GATAD2A: variants seen among roughly 807,000 people sequenced by gnomAD.
GATAD2A encodes transcriptional repressor p66-alpha.
Under a neutral mutation model 68.5 loss-of-function variants are expected in GATAD2A, and 12 were observed. That is an observed-to-expected ratio of 0.18 (90% CI 0.11 to 0.28). GATAD2A has a LOEUF of 0.28. GATAD2A is among the 10% of genes least tolerant of loss of function. The pLI is 1.00. For synonymous variants in GATAD2A, 410 were observed against 375.3 expected (o/e 1.09, Z -1.07); for missense variants, 755 against 868.5 (o/e 0.87, Z 1.64).
intron 1 of GATAD2A, among the ~76,000 whole-genome samples, chr19:19,397,593 A>C (rs1325902740): frequency 6.6e-6 from 1 of 152,168 alleles, no homozygotes; most frequent in Non-Finnish European, 1.5e-5. Context: ...AGCCATCTAG[A>C]CTCTGTAATG....
At chr19:19,420,829 C>A (rs114459912) in intron 1 of GATAD2A, among the ~76,000 whole-genome samples, 1 of 152,110 alleles carries the variant, frequency 6.6e-6, no homozygotes, top group Non-Finnish European at 1.5e-5. Context: ...GACAGTACCT[C>A]GTTCTGTGGT....
intron 1 of GATAD2A, among the ~76,000 whole-genome samples, chr19:19,420,134 C>T (rs904740423): frequency 6.8e-6 from 1 of 147,524 alleles, no homozygotes; most frequent in Non-Finnish European, 1.5e-5. Context: ...TCTCAGCCCC[C>T]TGAGTAGCTG....
rs1398846377 is a variant in GATAD2A at position 19,436,080 on chromosome 19, CA to C, written c.-6-29259del. The C allele has an allele frequency of 3.0e-6, 3 of 1,000,782 alleles. No individual in the cohort carries two copies. The Admixed American group carries it at 6.0e-5, about 20-fold the overall frequency. 62.0% of individuals were successfully genotyped at this position (1,000,782 alleles called of 1,614,324 possible). The stretch of plus-strand genomic sequence containing the variant: ...ACATTTTAGAAATGCCAGTATGTTC[CA>C]GAAACCTTGCTTGGAAACACAGTGT... On this transcript the variant is annotated intron_variant, in intron 1 of 11. Transcript: ENST00000683918.
intron 1 of GATAD2A, among the ~76,000 whole-genome samples, chr19:19,413,141 G>C (rs1435680179): frequency 1.3e-5 from 2 of 152,182 alleles, no homozygotes; most frequent in African/African-American, 4.8e-5. Flanking sequence ...TGTTGCTGGG[G>C]TTTCAAGTTG....
chr19:19,471,742 A>C (rs995465220), intron 2 of GATAD2A, among the ~76,000 whole-genome samples: 1 of 152,258 alleles, frequency 6.6e-6, no homozygotes, highest in African/African-American at 2.4e-5. Flanking sequence ...TGTGGCATCC[A>C]TAAATGTGCA....
rs145907079 is a variant in GATAD2A, at chr19:19,439,666, G to A, written c.-6-25674G>A. On this transcript the variant is annotated intron_variant, in intron 1 of 11. Transcript: ENST00000683918. ...AGTTCGAGACCAGCATGGCCAACAT[G>A]GTGAAACCCCATCTTTACTAAAAGT... Among the ~76,000 whole-genome samples the A allele has an allele frequency of 5.3e-3, 800 of 152,178 alleles. 6 individuals carry two copies. Among genetic ancestry groups the A allele is most frequent in the South Asian group, 0.041 (196 of 4,814 alleles).
intron 2 of GATAD2A, among the ~76,000 whole-genome samples, chr19:19,487,058 C>T (rs561297901): frequency 1.3e-5 from 2 of 152,338 alleles, no homozygotes; most frequent in East Asian, 1.9e-4. Flanking sequence ...CAGGAGCATG[C>T]GGGCTCAGGG....
intron 1 of GATAD2A, chr19:19,440,052 T>C (rs947618650): frequency 7.3e-6 from 2 of 272,954 alleles, no homozygotes; most frequent in African/African-American, 4.7e-5. Context: ...CAACTTGTGG[T>C]GGTGGCTCTG....
chr19:19,388,962 CA>C (rs977726754), intron 1 of GATAD2A, among the ~76,000 whole-genome samples: 11 of 152,152 alleles, frequency 7.2e-5, no homozygotes, highest in Admixed American at 2.6e-4. Flanking sequence ...GATCCAGAAA[CA>C]GGGGAAGGGA....
rs117315649 is a variant in GATAD2A, at chr19:19,466,642, G to A, written c.269+1028G>A. Among the ~76,000 whole-genome samples, 830 of 152,296 alleles carry A rather than the reference G, an allele frequency of 5.4e-3. 5 individuals carry two copies. Among genetic ancestry groups the A allele is most frequent in the Non-Finnish European group, 9.3e-3 (635 of 68,034 alleles). ...TCAGAGATCATCTGGTGTTCACAGC[G>A]TTTAAAATGGGAAGATAAATGGGAA... is the stretch of plus-strand genomic sequence containing the variant. On this transcript the variant is annotated intron_variant, in intron 2 of 11. Coordinates refer to ENST00000683918, the MANE Select transcript of GATAD2A (RefSeq NM_001384528.1).
intron 11 of GATAD2A, among the ~76,000 whole-genome samples, chr19:19,503,165 T>C (rs767024980): frequency 6.6e-6 from 1 of 152,150 alleles, no homozygotes; most frequent in Non-Finnish European, 1.5e-5. Flanking sequence ...AGAACAAAAG[T>C]GTTATATTTC....
chr19:19,439,245 C>G (rs1426723344), intron 1 of GATAD2A, among the ~76,000 whole-genome samples: 2 of 152,214 alleles, frequency 1.3e-5, no homozygotes, highest in Admixed American at 6.5e-5. Flanking sequence ...TTGAATTTGG[C>G]CTGTCAGGTC....
chr19:19,505,299 C>T, intron 11 of GATAD2A, 45 bp from the exon 12 acceptor site: 3 of 1,604,510 alleles, frequency 1.9e-6, no homozygotes, highest in Non-Finnish European at 2.6e-6. Context: ...CCCAGGAGCC[C>T]TCCTGACGAG....
At chr19:19,454,341 T>G (rs2056715389) in intron 1 of GATAD2A, among the ~76,000 whole-genome samples, 1 of 148,254 alleles carries the variant, frequency 6.7e-6, no homozygotes, top group South Asian at 2.3e-4. Flanking sequence ...TCACTGCCTG[T>G]AATCCCAGCA....
chr19:19,398,178 C>T (rs1379829544), intron 1 of GATAD2A, among the ~76,000 whole-genome samples: 2 of 151,398 alleles, frequency 1.3e-5, no homozygotes, highest in African/African-American at 4.9e-5. Context: ...GCAGGGATTA[C>T]AGGCGTGACC....
At position 19,475,182 on chromosome 19, in the gene GATAD2A, G is replaced by C. The variant is rs1386001285; in HGVS notation, c.269+9568G>C. On this transcript the variant is annotated intron_variant, in intron 2 of 11. Transcript: ENST00000683918. ...CCGGCCCGCCGGCCGGCTGTCTACA[G>C]GAATGCACGTCCTTGAATGAGATGG... is the stretch of plus-strand genomic sequence containing the variant. Among the ~76,000 whole-genome samples the C allele has an allele frequency of 2.6e-5, 4 of 152,352 alleles. No homozygotes were observed. In the South Asian group the frequency reaches 8.3e-4, roughly 32 times the overall value.
chr19:19,394,140 G>A (rs151187872), intron 1 of GATAD2A, among the ~76,000 whole-genome samples: 1 of 151,994 alleles, frequency 6.6e-6, no homozygotes, highest in Non-Finnish European at 1.5e-5. Flanking sequence ...CTCCCGCCTA[G>A]GCCTCCCAAA....
chr19:19,416,675 T>G lies in GATAD2A; in HGVS notation c.-7+10656T>G, dbSNP rs2051681409. 4.6e-5 allele frequency among the ~76,000 whole-genome samples: 7 copies of G among 152,320 alleles called. No homozygotes were observed. The South Asian group carries it at 1.2e-3, about 27-fold the overall frequency. ...TTTATTGCATTAGGGAAAAGAATAC[T>G]TAAATTGCTTGGAAAAATTGGAGTA... is the stretch of plus-strand genomic sequence containing the variant. On this transcript the variant is annotated intron_variant, in intron 1 of 11. Coordinates refer to ENST00000683918, the MANE Select transcript of GATAD2A (RefSeq NM_001384528.1).
At chr19:19,494,954 C>T (rs1865034) in intron 5 of GATAD2A, among the ~76,000 whole-genome samples, 65,472 of 152,142 alleles carry the variant, frequency 0.43, 15,472 homozygotes, top group African/African-American at 0.62. Context: ...GTTCCAGTAT[C>T]TAGAATCAGT....
Sources: gnomAD v4.1 joint callset for allele counts (sites outside exome capture counted in the v4.1 genomes callset) on GRCh38, gnomAD v4.1.1 for gene constraint, MANE v1.5 for transcripts, NCBI Gene and HGNC (gene_info 2026-07-23, HGNC 2026-07-21) for gene names.